The following GALNTL6 variants were observed in gnomAD, a reference collection of about 807,000 sequenced individuals.
GALNTL6 encodes polypeptide N-acetylgalactosaminyltransferase-like 6.
A neutral mutation model predicts 73.7 loss-of-function variants in GALNTL6; 46 were observed. The observed-to-expected ratio is 0.62, with a 90% CI of 0.49 to 0.80. The LOEUF is 0.80. Ranked by LOEUF, GALNTL6 falls within the 30% of genes least tolerant of loss-of-function variation. The probability of loss-of-function intolerance (pLI) is 0.00; values close to 1 mark genes in which losing one functional copy is unlikely to be tolerated. For synonymous variants in GALNTL6, 259 were observed against 263.7 expected, an observed-to-expected ratio of 0.98 and a Z score of 0.17; for missense variants, 604 against 755.0, an observed-to-expected ratio of 0.80 and a Z score of 2.34.
intron 5 of GALNTL6, among the ~76,000 whole-genome samples, chr4:172,572,120 C>G (rs184135026): frequency 6.6e-6 from 1 of 152,164 alleles, no homozygotes; most frequent in African/African-American, 2.4e-5. Flanking sequence ...ATCAGATCAC[C>G]TAATGCTGTT....
chr4:172,875,401 C>G (rs551978284), intron 7 of GALNTL6, among the ~76,000 whole-genome samples: 1 of 152,184 alleles, frequency 6.6e-6, no homozygotes, highest in South Asian at 2.1e-4. Context: ...AAAAGGAACC[C>G]AAATCTATAC....
chr4:173,035,547 A>G (rs961591417), intron 12 of GALNTL6, among the ~76,000 whole-genome samples: 1 of 152,190 alleles, frequency 6.6e-6, no homozygotes, highest in Non-Finnish European at 1.5e-5. Flanking sequence ...CTCTTAGGTT[A>G]TCTTTCCATG....
chr4:172,456,112 A>C (rs918526201), intron 5 of GALNTL6, among the ~76,000 whole-genome samples: 1 of 152,180 alleles, frequency 6.6e-6, no homozygotes, highest in Non-Finnish European at 1.5e-5. Context: ...GAGGGACCTG[A>C]CTGTAAGAAG....
At chr4:172,536,990 G>T (rs545814721) in intron 5 of GALNTL6, among the ~76,000 whole-genome samples, 2 of 152,234 alleles carry the variant, frequency 1.3e-5, no homozygotes, top group South Asian at 4.2e-4. Flanking sequence ...TAGCCCCTTT[G>T]TTTTGGCCAA....
chr4:172,212,319 G>C (rs1232921975), intron 2 of GALNTL6, among the ~76,000 whole-genome samples: 1 of 151,872 alleles, frequency 6.6e-6, no homozygotes, highest in African/African-American at 2.4e-5. Context: ...ATGCCACCAC[G>C]CCTGGCTAAT....
At chr4:172,782,653 A>C (rs1362533708) in intron 5 of GALNTL6, among the ~76,000 whole-genome samples, 1 of 152,174 alleles carries the variant, frequency 6.6e-6, no homozygotes, top group Non-Finnish European at 1.5e-5. Flanking sequence ...GGGGAAAAGT[A>C]AAAATTGTCT....
At chr4:172,204,621 G>A (rs1157889258) in intron 2 of GALNTL6, among the ~76,000 whole-genome samples, 1 of 152,044 alleles carries the variant, frequency 6.6e-6, no homozygotes, top group Non-Finnish European at 1.5e-5. Context: ...AAGTGTCTTA[G>A]TTTGCATGAT....
At chr4:172,599,723 A>C (rs1451321059) in intron 5 of GALNTL6, among the ~76,000 whole-genome samples, 1 of 152,122 alleles carries the variant, frequency 6.6e-6, no homozygotes, top group Non-Finnish European at 1.5e-5. Flanking sequence ...CTGAGCCATG[A>C]CATCACTAAG....
In GALNTL6 at chr4:172,061,976, C is replaced by T. The variant is rs1364225528; in HGVS notation, c.139-167680C>T. On this transcript the variant is annotated intron_variant, in intron 2 of 12. Coordinates refer to ENST00000506823, the MANE Select transcript of GALNTL6 (RefSeq NM_001034845.3). ...TTTTTTTTTTTTTTTGAGACAGAGT[C>T]TTGCTCTTGCTGTGTAGGCTGGAGT... 4.0e-5 allele frequency among the ~76,000 whole-genome samples: 5 copies of T among 123,790 alleles called. No individual in the cohort carries two copies. The East Asian group carries it at 9.1e-4, about 23-fold the overall frequency. 81.2% of individuals were successfully genotyped at this position (123,790 alleles called of 152,430 possible).
chr4:172,163,376 T>C (rs1387830324), intron 2 of GALNTL6, among the ~76,000 whole-genome samples: 2 of 152,020 alleles, frequency 1.3e-5, no homozygotes, highest in African/African-American at 2.4e-5. Flanking sequence ...TTTTATGATA[T>C]ACTGTACAAA....
intron 12 of GALNTL6, among the ~76,000 whole-genome samples, chr4:173,030,756 G>T (rs188288186): frequency 2.0e-5 from 3 of 151,368 alleles, no homozygotes; most frequent in African/African-American, 7.3e-5. Flanking sequence ...GGAGGCCGAG[G>T]CATTTGAGAG....
At chr4:172,746,005 C>A (rs1737088732) in intron 5 of GALNTL6, among the ~76,000 whole-genome samples, 3 of 151,606 alleles carry the variant, frequency 2.0e-5, no homozygotes, top group Admixed American at 2.0e-4. Context: ...AACCTATGGG[C>A]CAAATACTTC....
chr4:172,245,081 C>G (rs1416103666), intron 3 of GALNTL6, among the ~76,000 whole-genome samples: 2 of 152,066 alleles, frequency 1.3e-5, no homozygotes, highest in Non-Finnish European at 2.9e-5. Flanking sequence ...TCTAGTAGAG[C>G]AAGGGATTGG....
intron 5 of GALNTL6, among the ~76,000 whole-genome samples, chr4:172,493,986 A>G (rs1733980036): frequency 6.6e-6 from 1 of 152,120 alleles, no homozygotes; most frequent in African/African-American, 2.4e-5. Context: ...CCCAGCTAGA[A>G]TGTAGGTCTC....
intron 2 of GALNTL6, among the ~76,000 whole-genome samples, chr4:171,918,591 T>G (rs1560840525): frequency 6.6e-6 from 1 of 152,098 alleles, no homozygotes; most frequent in Non-Finnish European, 1.5e-5. Context: ...TGGAGGTTCC[T>G]CAAAAAATTT....
At chr4:172,285,926 C>A (rs1739228414) in intron 3 of GALNTL6, among the ~76,000 whole-genome samples, 1 of 152,142 alleles carries the variant, frequency 6.6e-6, no homozygotes, top group African/African-American at 2.4e-5. Flanking sequence ...TTAAAAGAGA[C>A]TGAGTACTTG....
chr4:172,957,914 A>G (rs1056556016), intron 10 of GALNTL6, among the ~76,000 whole-genome samples: 2 of 152,170 alleles, frequency 1.3e-5, no homozygotes, highest in Non-Finnish European at 2.9e-5. Flanking sequence ...TGCCATCAAT[A>G]AACCAAGTCT....
At chr4:172,526,108 A>T (rs1734944154) in intron 5 of GALNTL6, among the ~76,000 whole-genome samples, 2 of 152,190 alleles carry the variant, frequency 1.3e-5, no homozygotes, top group South Asian at 4.1e-4. Context: ...TTAGAAATTC[A>T]ATAACTGATT....
rs1047259953 is a variant in GALNTL6, at chr4:172,252,078, A to G, written c.247+22314A>G. 5.3e-5 allele frequency among the ~76,000 whole-genome samples: 8 copies of G among 152,256 alleles called. No individual in the cohort carries two copies. In the South Asian group the frequency reaches 1.7e-3, roughly 32 times the overall value. On this transcript the variant is annotated intron_variant, in intron 3 of 12. Transcript: ENST00000506823. ...GACAGAAATTGTAGACAGGAAGGTTAAAACTGAATAGATGCATGAATCTAA... is the reference window on the plus strand; with the variant it reads ...GACAGAAATTGTAGACAGGAAGGTTGAAACTGAATAGATGCATGAATCTAA...
Sources: allele counts gnomAD v4.1 joint callset (sites outside exome capture counted in the v4.1 genomes callset), GRCh38; gene constraint gnomAD v4.1.1; transcripts MANE v1.5; gene names NCBI Gene and HGNC (gene_info 2026-07-23, HGNC 2026-07-21).